PTPRT: variants seen among roughly 807,000 people sequenced by gnomAD.
The protein encoded by PTPRT is protein tyrosine phosphatase receptor type T.
In PTPRT, 56 loss-of-function variants were observed where a neutral mutation model predicts 176.8. The observed-to-expected ratio is 0.32, with a 90% CI of 0.26 to 0.40. The LOEUF (loss-of-function observed/expected upper bound fraction) is 0.40, where lower values mean the gene tolerates loss of function less well. PTPRT is among the 10% of genes least tolerant of loss of function. The pLI is 1.00. For missense variants in PTPRT, 1,540 were observed against 1,908.2 expected (o/e 0.81, Z 3.60); for synonymous variants, 783 against 739.0 (o/e 1.06, Z -0.96).
At chr20:43,059,812 C>T (rs535466871) in intron 1 of PTPRT, among the ~76,000 whole-genome samples, 16 of 152,034 alleles carry the variant, frequency 1.1e-4, no homozygotes, top group South Asian at 2.1e-4. Context: ...AACCCTGCCT[C>T]TACTAAAAAT....
chr20:42,605,948 T>C (rs2073868844), intron 7 of PTPRT, among the ~76,000 whole-genome samples: 1 of 152,218 alleles, frequency 6.6e-6, no homozygotes, highest in South Asian at 2.1e-4. Context: ...ATGAGCCTGA[T>C]GGAGGCATGG....
chr20:42,835,962 G>A (rs1162923398), intron 2 of PTPRT, among the ~76,000 whole-genome samples: 3 of 152,116 alleles, frequency 2.0e-5, no homozygotes, highest in South Asian at 2.1e-4. Flanking sequence ...GAGATAGCAC[G>A]TTGGGAAGGA....
chr20:42,901,886 A>C (rs1248374605), intron 1 of PTPRT, among the ~76,000 whole-genome samples: 1 of 152,224 alleles, frequency 6.6e-6, no homozygotes, highest in Non-Finnish European at 1.5e-5. Context: ...AGTTTTATTG[A>C]AACACAGCCA....
At chr20:42,373,416 T>C (rs1444560877) in intron 9 of PTPRT, among the ~76,000 whole-genome samples, 3 of 152,210 alleles carry the variant, frequency 2.0e-5, no homozygotes, top group African/African-American at 7.2e-5. Context: ...ATTTAGATTT[T>C]TTATTTGTAA....
intron 1 of PTPRT, among the ~76,000 whole-genome samples, chr20:42,924,980 G>A (rs1392564997): frequency 2.0e-5 from 3 of 152,172 alleles, no homozygotes; most frequent in Admixed American, 6.5e-5. Context: ...TGCAGGTGGC[G>A]CATTGTCCAC....
chr20:42,099,609 C>T (rs561251598), intron 26 of PTPRT, among the ~76,000 whole-genome samples: 1 of 148,980 alleles, frequency 6.7e-6, no homozygotes, highest in African/African-American at 2.5e-5. Context: ...TTTCTCCCCA[C>T]CCTGAAGTCA....
chr20:42,090,013 G>A (rs183093470), intron 27 of PTPRT, among the ~76,000 whole-genome samples: 65 of 152,232 alleles, frequency 4.3e-4, no homozygotes, highest in African/African-American at 1.6e-3. Context: ...AAAATGCATT[G>A]GGGTTTCTTC....
chr20:42,056,504 T>C, the PTPRT span, among the ~76,000 whole-genome samples: 99,340 of 152,064 alleles, frequency 0.65, 33,610 homozygotes, highest in African/African-American at 0.83. Flanking sequence ...ATTCACCAAA[T>C]ATCTTCTTTA....
intron 7 of PTPRT, among the ~76,000 whole-genome samples, chr20:42,661,082 C>T (rs2075215310): frequency 6.6e-6 from 1 of 152,088 alleles, no homozygotes. Flanking sequence ...AACTCCTGAC[C>T]TTGTGATCCA....
intron 16 of PTPRT, among the ~76,000 whole-genome samples, chr20:42,184,641 C>G (rs1266409571): frequency 7.1e-6 from 1 of 140,216 alleles, no homozygotes; most frequent in Non-Finnish European, 1.5e-5. Context: ...TTCTCTCTCT[C>G]TCTCTCGATA....
intron 13 of PTPRT, among the ~76,000 whole-genome samples, chr20:42,266,213 G>T (rs2056836455): frequency 6.6e-6 from 1 of 152,170 alleles, no homozygotes; most frequent in Non-Finnish European, 1.5e-5. Flanking sequence ...AAGGTCCCCA[G>T]TTTTAAGGAA....
At chr20:42,994,439 C>CA (rs1325107027) in intron 1 of PTPRT, among the ~76,000 whole-genome samples, 1 of 147,096 alleles carries the variant, frequency 6.8e-6, no homozygotes, top group Non-Finnish European at 1.5e-5. Flanking sequence ...CCCATTAGGA[C>CA]TTTTTTTTTT....
intron 6 of PTPRT, among the ~76,000 whole-genome samples, chr20:42,726,521 C>A (rs764630087): frequency 1.3e-5 from 2 of 152,216 alleles, no homozygotes; most frequent in Non-Finnish European, 2.9e-5. Flanking sequence ...CGGGCAGCCA[C>A]AAACAAAACC....
intron 7 of PTPRT, among the ~76,000 whole-genome samples, chr20:42,514,940 G>GT (rs1267265505): frequency 2.0e-5 from 3 of 152,034 alleles, no homozygotes; most frequent in East Asian, 3.9e-4. Context: ...GTAACTTATA[G>GT]TATGACCTCA....
intron 1 of PTPRT, among the ~76,000 whole-genome samples, chr20:42,908,990 T>TA (rs2079512825): frequency 6.6e-6 from 1 of 151,950 alleles, no homozygotes. Context: ...ATCCCATCTA[T>TA]AAACAAAATA....
intron 13 of PTPRT, among the ~76,000 whole-genome samples, chr20:42,260,060 C>T (rs2056720623): frequency 6.6e-6 from 1 of 152,204 alleles, no homozygotes; most frequent in African/African-American, 2.4e-5. Flanking sequence ...TTGGAACTCA[C>T]TACTTAGGGG....
intron 14 of PTPRT, among the ~76,000 whole-genome samples, chr20:42,239,413 CTTTTTTTT>C (rs35978863): frequency 9.8e-5 from 8 of 81,224 alleles, no homozygotes; most frequent in East Asian, 7.3e-4. Context: ...CATTTTCTTT[CTTTTTTTT>C]TTTTTTTTTT....
At chr20:42,499,722 C>T (rs2071719982) in intron 7 of PTPRT, among the ~76,000 whole-genome samples, 2 of 152,138 alleles carry the variant, frequency 1.3e-5, no homozygotes, top group African/African-American at 2.4e-5. Flanking sequence ...CATGATGCGT[C>T]TGCAAGTTTT....
intron 16 of PTPRT, among the ~76,000 whole-genome samples, chr20:42,189,813 A>T (rs1322555044): frequency 6.6e-6 from 1 of 152,226 alleles, no homozygotes; most frequent in Non-Finnish European, 1.5e-5. Context: ...AGAAGTTTGG[A>T]TCAATAACAT....
Sources: gnomAD v4.1 joint callset for allele counts (sites outside exome capture counted in the v4.1 genomes callset) on GRCh38, gnomAD v4.1.1 for gene constraint, MANE v1.5 for transcripts, NCBI Gene and HGNC (gene_info 2026-07-23, HGNC 2026-07-21) for gene names.